The following RNLS variants were observed in gnomAD, a reference collection of about 807,000 sequenced individuals.
RNLS encodes the protein renalase.
In RNLS, 39 loss-of-function variants were observed where a neutral mutation model predicts 39.8. The observed-to-expected ratio is 0.98, with a 90% CI of 0.76 to 1.28. The LOEUF (loss-of-function observed/expected upper bound fraction) is 1.28, where lower values mean the gene tolerates loss of function less well. Among genes scored for constraint, RNLS ranks in the 50% most tolerant of loss-of-function variants. The pLI is 0.00. For synonymous variants in RNLS, 147 were observed against 150.7 expected, an observed-to-expected ratio of 0.98 and a Z score of 0.18; for missense variants, 410 against 413.3, an observed-to-expected ratio of 0.99 and a Z score of 0.07.
chr10:88,492,426 T>TC lies in RNLS; in HGVS notation c.526+80476_526+80477insG, dbSNP rs982063566. Among the ~76,000 whole-genome samples, 12 of 150,066 alleles carry TC rather than the reference T, an allele frequency of 8.0e-5. No individual in the cohort carries two copies. In the South Asian group the frequency reaches 8.4e-4, roughly 11 times the overall value. ...TTTTAATTTTTTTTCTTTTTCTTTT[T>TC]TTTTTTTTTTGAGACAGAGTCTTGC... On this transcript the variant is annotated intron_variant, in intron 4 of 6. Transcript: ENST00000331772.
chr10:88,325,018 A>G (rs1381731965), intron 5 of RNLS, among the ~76,000 whole-genome samples: 2 of 152,156 alleles, frequency 1.3e-5, no homozygotes, highest in Non-Finnish European at 2.9e-5. Flanking sequence ...CCATATGTAT[A>G]TGTCACAATT....
rs537396324 is a variant in RNLS, at chr10:88,439,463, G to A, written c.527-76738C>T. Among the ~76,000 whole-genome samples, 81 of 152,258 alleles carry A rather than the reference G, an allele frequency of 5.3e-4. 2 individuals carry two copies. Among genetic ancestry groups the A allele is most frequent in the African/African-American group, 1.8e-3 (73 of 41,534 alleles). On this transcript the variant is annotated intron_variant, in intron 4 of 6. Transcript: ENST00000331772. ...CCACTATGCTTTTGTTTATTAACTGGTGAAAACATTTTTGTGAGTTAGGGT... is the reference window on the plus strand; with the variant it reads ...CCACTATGCTTTTGTTTATTAACTGATGAAAACATTTTTGTGAGTTAGGGT...
intron 4 of RNLS, among the ~76,000 whole-genome samples, chr10:88,469,858 T>TGC (rs1843417814): frequency 7.1e-6 from 1 of 140,698 alleles, no homozygotes; most frequent in Non-Finnish European, 1.6e-5. Flanking sequence ...TGTGTGTGTG[T>TGC]GTGCTTTGCT....
the RNLS span, among the ~76,000 whole-genome samples, chr10:88,247,119 G>A: frequency 1.9e-4 from 29 of 152,222 alleles, no homozygotes; most frequent in South Asian, 3.5e-3. Context: ...GGCCAGAGTC[G>A]GGGAGAAAGT....
At chr10:88,361,809 T>C (rs548017150) in intron 5 of RNLS, among the ~76,000 whole-genome samples, 10 of 152,052 alleles carry the variant, frequency 6.6e-5, no homozygotes, top group African/African-American at 2.4e-4. Context: ...AATTCAAGAG[T>C]TTTAGTCATT....
At chr10:88,441,228 T>C (rs1841694052) in intron 4 of RNLS, among the ~76,000 whole-genome samples, 1 of 152,166 alleles carries the variant, frequency 6.6e-6, no homozygotes, top group Non-Finnish European at 1.5e-5. Flanking sequence ...CCTTGAACAA[T>C]CATTGTATCA....
chr10:88,378,066 C>T (rs1388007107), intron 4 of RNLS, among the ~76,000 whole-genome samples: 5 of 151,894 alleles, frequency 3.3e-5, no homozygotes, highest in Admixed American at 1.3e-4. Flanking sequence ...TCGTCAATAT[C>T]ACTGTCTTCC....
At chr10:88,202,016 C>T in the RNLS span, among the ~76,000 whole-genome samples, 1 of 152,114 alleles carries the variant, frequency 6.6e-6, no homozygotes, top group East Asian at 1.9e-4. Context: ...TATTGCAGCA[C>T]TATTCACAAT....
intron 4 of RNLS, among the ~76,000 whole-genome samples, chr10:88,560,444 C>G (rs1849106923): frequency 6.6e-6 from 1 of 152,138 alleles, no homozygotes; most frequent in South Asian, 2.1e-4. Flanking sequence ...CCCTGAGCCC[C>G]ACTACCCTGA....
At chr10:88,411,799 A>G (rs1420231961) in intron 4 of RNLS, among the ~76,000 whole-genome samples, 1 of 152,080 alleles carries the variant, frequency 6.6e-6, no homozygotes, top group Non-Finnish European at 1.5e-5. Flanking sequence ...AGTAAGAAGG[A>G]TATAATGGTG....
At chr10:88,231,342 C>A in the RNLS span, among the ~76,000 whole-genome samples, 1 of 152,230 alleles carries the variant, frequency 6.6e-6, no homozygotes, top group Non-Finnish European at 1.5e-5. Context: ...TGGCCGTCTG[C>A]AAGCCCAGGA....
At chr10:88,214,843 G>A in the RNLS span, among the ~76,000 whole-genome samples, 5 of 152,150 alleles carry the variant, frequency 3.3e-5, no homozygotes, top group Non-Finnish European at 7.4e-5. Flanking sequence ...TTGAAAGAGT[G>A]GTTAGTATTA....
intron 4 of RNLS, among the ~76,000 whole-genome samples, chr10:88,557,204 T>C (rs1447758461): frequency 6.6e-6 from 1 of 152,172 alleles, no homozygotes; most frequent in Non-Finnish European, 1.5e-5. Flanking sequence ...ATCTAAAAAG[T>C]CACAGAAATA....
At chr10:88,447,395 A>G (rs1176392542) in intron 4 of RNLS, among the ~76,000 whole-genome samples, 1 of 152,236 alleles carries the variant, frequency 6.6e-6, no homozygotes, top group Admixed American at 6.5e-5. Flanking sequence ...AGCATGAATG[A>G]ACTCCCATTC....
intron 6 of RNLS, among the ~76,000 whole-genome samples, chr10:88,295,800 T>C (rs182196090): frequency 6.6e-6 from 1 of 152,304 alleles, no homozygotes; most frequent in East Asian, 1.9e-4. Context: ...GGACATACTT[T>C]GCTGAAATTG....
chr10:88,567,469 C>G (rs920047028), intron 4 of RNLS, among the ~76,000 whole-genome samples: 6 of 152,142 alleles, frequency 3.9e-5, no homozygotes, highest in African/African-American at 1.4e-4. Context: ...ATTTACAGCA[C>G]AAATGAATGT....
At chr10:88,297,512 G>C (rs971767300) in intron 6 of RNLS, among the ~76,000 whole-genome samples, 1 of 152,028 alleles carries the variant, frequency 6.6e-6, no homozygotes, top group Non-Finnish European at 1.5e-5. Context: ...TTTGCAATTA[G>C]TGACCGGTAA....
chr10:88,489,105 A>G (rs754952050), intron 4 of RNLS, among the ~76,000 whole-genome samples: 8 of 152,084 alleles, frequency 5.3e-5, no homozygotes, highest in Non-Finnish European at 1.2e-4. Context: ...AGAGCAAATG[A>G]TTTGTTTTTT....
intron 4 of RNLS, among the ~76,000 whole-genome samples, chr10:88,419,030 A>G (rs1854215390): frequency 6.6e-6 from 1 of 152,182 alleles, no homozygotes; most frequent in South Asian, 2.1e-4. Flanking sequence ...CAATTTGCGC[A>G]GAGTTGCTTA....
Sources: gnomAD v4.1 joint callset for allele counts (sites outside exome capture counted in the v4.1 genomes callset) on GRCh38, gnomAD v4.1.1 for gene constraint, MANE v1.5 for transcripts, NCBI Gene and HGNC (gene_info 2026-07-23, HGNC 2026-07-21) for gene names.